The following SNX31 variants were observed in gnomAD, a reference collection of about 807,000 sequenced individuals.
SNX31 encodes sorting nexin 31, also known as sorting nexin-31.
A neutral mutation model predicts 65.4 loss-of-function variants in SNX31; 58 were observed. That is an observed-to-expected ratio of 0.89 (90% CI 0.72 to 1.10). The LOEUF is 1.10. SNX31 is among the 50% of genes least tolerant of loss of function. The pLI is 0.00. For missense variants in SNX31, 523 were observed against 529.7 expected (o/e 0.99, Z 0.12); for synonymous variants, 181 against 190.1 (o/e 0.95, Z 0.39).
chr8:100,615,931 G>A (rs897538199), intron 5 of SNX31, among the ~76,000 whole-genome samples: 5 of 151,390 alleles, frequency 3.3e-5, no homozygotes, highest in Non-Finnish European at 5.9e-5. Flanking sequence ...CACCACGCCC[G>A]GCTAATTTTT....
intron 8 of SNX31, among the ~76,000 whole-genome samples, chr8:100,603,061 G>A (rs763900059): frequency 1.1e-4 from 17 of 152,078 alleles, no homozygotes; most frequent in Non-Finnish European, 2.2e-4. Context: ...ACCCAGGTCT[G>A]GACACTACAT....
chr8:100,596,935 C>T (rs905668277), intron 9 of SNX31, 93 bp from the exon 10 acceptor site: 1 of 1,041,868 alleles, frequency 9.6e-7, no homozygotes, highest in African/African-American at 1.6e-5. Flanking sequence ...GAAGCTACTG[C>T]CATTCTAGGA....
At position 100,573,644 on chromosome 8, in the gene SNX31, A is replaced by G. The variant is rs1323460215; in HGVS notation, c.*221T>C. On this transcript the variant is annotated 3_prime_UTR_variant, in exon 14 of 14. Transcript: ENST00000311812. Reference sequence around the variant, plus strand: ...CATGACGAAGTGCAAAAATAAAATAAAAACTAACTCTATAACTTGGTTCTT... The same window carrying G: ...CATGACGAAGTGCAAAAATAAAATAGAAACTAACTCTATAACTTGGTTCTT... 1 of 349,454 alleles carries G rather than the reference A, an allele frequency of 2.9e-6. No individual in the cohort carries two copies. Among genetic ancestry groups the G allele is most frequent in the Non-Finnish European group, 5.1e-6 (1 of 195,248 alleles). The allele number at this position is 349,454 out of a possible 1,614,324, so 21.6% of individuals were successfully genotyped here. A position where few individuals can be genotyped will look rare whatever the true frequency, so the allele number is the denominator to read the frequency against.
In SNX31 at chr8:100,610,056, C is replaced by A. The variant is rs967397567; in HGVS notation, c.612-1493G>T. Among the ~76,000 whole-genome samples the A allele has an allele frequency of 6.6e-6, 1 of 152,240 alleles. No homozygotes were observed. Among genetic ancestry groups the A allele is most frequent in the Non-Finnish European group, 1.5e-5 (1 of 68,042 alleles). ...CTCTGGAAAGAGGGCAAGGCACCTG[C>A]AGGAGCCTATGCCAGAATCTCCCCT... On this transcript the variant is annotated intron_variant, in intron 7 of 13. Coordinates refer to ENST00000311812, the MANE Select transcript of SNX31 (RefSeq NM_152628.4). This position sits in a 1 kb window ranked among gnomAD's most constrained non-coding sequence, Gnocchi z 4.0.
intron 7 of SNX31, among the ~76,000 whole-genome samples, chr8:100,611,543 C>G (rs1421790412): frequency 5.9e-5 from 9 of 152,094 alleles, no homozygotes; most frequent in African/African-American, 2.2e-4. Context: ...ATTTCACCCT[C>G]TCTCATTTTC....
intron 4 of SNX31, among the ~76,000 whole-genome samples, chr8:100,620,952 T>C (rs989314584): frequency 1.1e-4 from 16 of 151,954 alleles, no homozygotes; most frequent in Non-Finnish European, 2.2e-4. Context: ...ACCCTATCTC[T>C]ACTAAAAGAA....
intron 10 of SNX31, among the ~76,000 whole-genome samples, chr8:100,595,269 C>A (rs1355884241): frequency 2.0e-5 from 3 of 150,818 alleles, no homozygotes; most frequent in Non-Finnish European, 4.4e-5. Context: ...CCACACAGGG[C>A]ATGTTGAGAC....
intron 13 of SNX31, among the ~76,000 whole-genome samples, chr8:100,574,526 G>A (rs967221879): frequency 2.2e-4 from 34 of 152,012 alleles, no homozygotes; most frequent in Admixed American, 1.2e-3. Flanking sequence ...CGAGCTATTC[G>A]GGAGGCTGAG....
At chr8:100,643,979 T>G (rs530546181) in intron 2 of SNX31, among the ~76,000 whole-genome samples, 4 of 152,238 alleles carry the variant, frequency 2.6e-5, no homozygotes, top group African/African-American at 9.6e-5. Flanking sequence ...GAGATGGGAC[T>G]GAGGTGGGCT....
chr8:100,615,936 A>ATT (rs113202320), intron 5 of SNX31, among the ~76,000 whole-genome samples: 10 of 149,022 alleles, frequency 6.7e-5, no homozygotes, highest in African/African-American at 1.5e-4. Context: ...CGCCCGGCTA[A>ATT]TTTTTTTTTT....
chr8:100,644,741 T>G (rs2131279274), intron 2 of SNX31, among the ~76,000 whole-genome samples: 1 of 152,376 alleles, frequency 6.6e-6, no homozygotes, highest in South Asian at 2.1e-4. Context: ...CTCAGCTCAC[T>G]GCAATCTGTG....
At chr8:100,641,565 A>AATAT (rs1237945389) in intron 2 of SNX31, among the ~76,000 whole-genome samples, 904 of 32,026 alleles carry the variant, frequency 0.028, 80 homozygotes, top group Non-Finnish European at 0.039. Flanking sequence ...AAAAAAAAAA[A>AATAT]ATATATATAT....
chr8:100,609,011 A>G lies in SNX31; in HGVS notation c.612-448T>C, dbSNP rs545880973. Among the ~76,000 whole-genome samples the G allele has an allele frequency of 1.3e-5, 2 of 152,290 alleles. No homozygotes were observed. Among genetic ancestry groups the G allele is most frequent in the Admixed American group, 6.5e-5 (1 of 15,310 alleles). ...CCTTTCCAGGCTTTCTGTCTCAGCC[A>G]TGTGCCCTTAATCTGATGCTCCACA... On this transcript the variant is annotated intron_variant, in intron 7 of 13. Transcript: ENST00000311812. This position sits in a 1 kb window ranked among gnomAD's most constrained non-coding sequence, Gnocchi z 4.9.
rs753478523 is a variant in SNX31 at position 100,600,346 on chromosome 8, C to A, written c.774+3G>T. ...ATTTCTCTTGGAGCAATATTTGATT[C>A]ACCTTTGTTTGACTGTCTTCTTTCT... On this transcript the variant is annotated splice_donor_region_variant and intron_variant, in intron 9 of 13. Transcript: ENST00000311812. 1 of 1,611,832 alleles carries A rather than the reference C, an allele frequency of 6.2e-7. No individual in the cohort carries two copies.
rs79295755 is a variant in SNX31 at position 100,617,619 on chromosome 8, C to T, written c.432+1G>A. 627 of 1,594,566 alleles carry T rather than the reference C, an allele frequency of 3.9e-4. 1 individual carries two copies. The African/African-American group carries it at 4.6e-3, about 12-fold the overall frequency. ...GGAGCTGGAGTTTAAACAAAGCTTACCTCTAGGACTCTTTCAGCAGTGTCT... is the reference window on the plus strand; with the variant it reads ...GGAGCTGGAGTTTAAACAAAGCTTATCTCTAGGACTCTTTCAGCAGTGTCT... On this transcript the variant is annotated splice_donor_variant, in intron 5 of 13. Transcript: ENST00000311812. LOFTEE classifies it high-confidence loss of function.
intron 12 of SNX31, 74 bp from the exon 13 acceptor site, chr8:100,577,149 C>T: frequency 7.8e-7 from 1 of 1,276,270 alleles, no homozygotes; most frequent in Non-Finnish European, 1.1e-6. Context: ...TTAACTAGCA[C>T]ACTTTCCCTT....
At position 100,617,692 on chromosome 8, in the gene SNX31, G is replaced by A. The variant is rs766305367; in HGVS notation, c.360C>T (p.Asp120=). 7 of 1,613,540 alleles carry A rather than the reference G, an allele frequency of 4.3e-6. No individual in the cohort carries two copies. The highest frequency in any genetic ancestry group is 5.9e-6 in the Non-Finnish European group (7 of 1,179,838). The change falls in exon 5 of 14, where the codon GAC becomes GAT. Residue 120 remains aspartate (D), a synonymous_variant. Transcript: ENST00000311812. ...FDIATKKAYL[D]IFLPNEQSIR... is the part of the protein sequence containing the mutation. ...TACTCTGTTCATTGGGCAGAAATATGTCCAGATAAGCTTTCTTGGTGGCGA... is the reference window on the plus strand; with the variant it reads ...TACTCTGTTCATTGGGCAGAAATATATCCAGATAAGCTTTCTTGGTGGCGA...
chr8:100,633,491 C>G (rs529517109), intron 3 of SNX31, among the ~76,000 whole-genome samples: 1 of 152,082 alleles, frequency 6.6e-6, no homozygotes, highest in Non-Finnish European at 1.5e-5. Flanking sequence ...GCAGCCTCCT[C>G]CTCCCGGGTT....
intron 8 of SNX31, among the ~76,000 whole-genome samples, 189 bp from the exon 9 acceptor site, chr8:100,600,630 C>T (rs990688184): frequency 6.6e-6 from 1 of 151,774 alleles, no homozygotes; most frequent in Non-Finnish European, 1.5e-5. Context: ...GGACAATTGG[C>T]AACACTTGGC....
Sources: gnomAD v4.1 joint callset for allele counts (sites outside exome capture counted in the v4.1 genomes callset) on GRCh38, gnomAD v4.1.1 for gene constraint, Gnocchi (gnomAD v3.1) non-coding constraint, MANE v1.5 for transcripts, NCBI Gene and HGNC (gene_info 2026-07-23, HGNC 2026-07-21) for gene names.